Variants in SDK1 observed in about 807,000 individuals in gnomAD.
SDK1 encodes the protein sidekick cell adhesion molecule 1, also known as protein sidekick-1.
SDK1 carries 157 observed loss-of-function variants against 245.5 expected under a neutral mutation model. The observed-to-expected ratio is 0.64, with a 90% CI of 0.56 to 0.73. The LOEUF (loss-of-function observed/expected upper bound fraction) is 0.73. Ranked by LOEUF, SDK1 falls within the 30% of genes least tolerant of loss-of-function variation. The pLI, the probability that SDK1 is intolerant of heterozygous loss-of-function variation, is 0.00. For missense variants in SDK1, 3,583 were observed against 3,002.3 expected (o/e 1.19, Z -4.52); for synonymous variants, 1,647 against 1,278.5 (o/e 1.29, Z -6.15).
intron 4 of SDK1, among the ~76,000 whole-genome samples, chr7:3,794,554 T>A (rs1778916042): frequency 6.6e-6 from 1 of 151,962 alleles, no homozygotes; most frequent in Admixed American, 6.6e-5. Context: ...ATCATGGGAG[T>A]GAGACCAATG....
At chr7:3,719,948 G>T (rs1023529103) in intron 4 of SDK1, among the ~76,000 whole-genome samples, 21 of 150,928 alleles carry the variant, frequency 1.4e-4, no homozygotes, top group Admixed American at 5.3e-4. Context: ...CTGCACCCCA[G>T]TCTGGTGACA....
chr7:3,818,285 G>A (rs1288732544), intron 4 of SDK1, among the ~76,000 whole-genome samples: 1 of 152,198 alleles, frequency 6.6e-6, no homozygotes, highest in African/African-American at 2.4e-5. Flanking sequence ...TTTTAAATGT[G>A]TCATCTGGAG....
chr7:3,461,377 G>A (rs1432535337), intron 1 of SDK1, among the ~76,000 whole-genome samples: 1 of 152,138 alleles, frequency 6.6e-6, no homozygotes, highest in Non-Finnish European at 1.5e-5. Context: ...ACTCTGAGTG[G>A]TATAACAAAG....
At chr7:4,203,556 G>A (rs926321101) in intron 35 of SDK1, among the ~76,000 whole-genome samples, 16 of 151,546 alleles carry the variant, frequency 1.1e-4, no homozygotes, top group African/African-American at 3.9e-4. Context: ...CTTCCAAGCT[G>A]GTATGTATGT....
At chr7:3,565,320 G>T (rs1025158216) in intron 1 of SDK1, among the ~76,000 whole-genome samples, 1 of 152,090 alleles carries the variant, frequency 6.6e-6, no homozygotes, top group African/African-American at 2.4e-5. Context: ...GTTGTTATCT[G>T]TCAGACCTAT....
intron 1 of SDK1, among the ~76,000 whole-genome samples, chr7:3,335,686 G>A (rs1254782846): frequency 6.6e-6 from 1 of 152,136 alleles, no homozygotes; most frequent in Non-Finnish European, 1.5e-5. Flanking sequence ...AGGAAAGTAA[G>A]CACTAGAACT....
At chr7:3,502,529 G>C (rs115486038) in intron 1 of SDK1, among the ~76,000 whole-genome samples, 2 of 152,112 alleles carry the variant, frequency 1.3e-5, no homozygotes, top group Non-Finnish European at 2.9e-5. Context: ...GATTACAGGC[G>C]TGAACCGCCA....
At chr7:3,979,934 C>A (rs1783265869) in intron 13 of SDK1, among the ~76,000 whole-genome samples, 1 of 152,158 alleles carries the variant, frequency 6.6e-6, no homozygotes. Context: ...ACAGAGAAAA[C>A]CCAATTTACA....
chr7:4,268,396 C>T lies in SDK1; in HGVS notation c.*3012C>T. The T allele has an allele frequency of 9.1e-7, 1 of 1,096,688 alleles. No individual in the cohort carries two copies. Among genetic ancestry groups the T allele is most frequent in the South Asian group, 2.2e-5 (1 of 44,724 alleles). The allele number at this position is 1,096,688 out of a possible 1,614,324, so 67.9% of individuals were successfully genotyped here. A position where few individuals can be genotyped will look rare whatever the true frequency, so the allele number is the denominator to read the frequency against. On this transcript the variant is annotated 3_prime_UTR_variant, in exon 45 of 45. Coordinates refer to ENST00000404826, the MANE Select transcript of SDK1 (RefSeq NM_152744.4). ...ACGGCCACCTTCTGGGTGAATCGGT[C>T]CAGCCCAAGCCCCTCTCCCCAGCCT...
chr7:4,223,068 G>A (rs1785230741), intron 40 of SDK1, among the ~76,000 whole-genome samples: 1 of 150,202 alleles, frequency 6.7e-6, no homozygotes, highest in Non-Finnish European at 1.5e-5. Context: ...GGGTGACAGA[G>A]CAAGGCTCCG....
intron 1 of SDK1, among the ~76,000 whole-genome samples, chr7:3,320,940 C>A (rs554413877): frequency 6.6e-6 from 1 of 152,104 alleles, no homozygotes; most frequent in South Asian, 2.1e-4. Flanking sequence ...TAATTTAAAC[C>A]TTGTGCTTGA....
chr7:3,403,157 C>A (rs1231459439), intron 1 of SDK1, among the ~76,000 whole-genome samples: 1 of 152,060 alleles, frequency 6.6e-6, no homozygotes, highest in Non-Finnish European at 1.5e-5. Flanking sequence ...TGGTCTTGAA[C>A]TCCTGACCTC....
chr7:3,935,801 A>G (rs2128119166), intron 5 of SDK1, among the ~76,000 whole-genome samples: 1 of 152,364 alleles, frequency 6.6e-6, no homozygotes, highest in South Asian at 2.1e-4. Context: ...GGAGAAATGT[A>G]TGACGAAGTA....
intron 14 of SDK1, among the ~76,000 whole-genome samples, chr7:3,996,578 G>A (rs368293927): frequency 3.4e-4 from 51 of 152,204 alleles, no homozygotes; most frequent in African/African-American, 1.1e-3. Context: ...TTTTGTCAAG[G>A]TTGTCCTGAG....
chr7:3,900,087 A>C (rs769366262), intron 5 of SDK1, among the ~76,000 whole-genome samples: 1 of 152,212 alleles, frequency 6.6e-6, no homozygotes, highest in Non-Finnish European at 1.5e-5. Context: ...GCAGTTTTAC[A>C]AAAAAACCTA....
intron 5 of SDK1, among the ~76,000 whole-genome samples, chr7:3,921,534 A>T (rs1562538534): frequency 1.3e-5 from 2 of 152,208 alleles, no homozygotes; most frequent in African/African-American, 2.4e-5. Flanking sequence ...AGCTATAAGA[A>T]CTAGACCTCT....
intron 40 of SDK1, among the ~76,000 whole-genome samples, chr7:4,226,204 A>G (rs1208863840): frequency 1.3e-5 from 2 of 152,152 alleles, no homozygotes; most frequent in African/African-American, 4.8e-5. Context: ...TCCAGGTGCA[A>G]TGAATGGGCC....
rs755552907 is a variant in SDK1 at position 3,974,563 on chromosome 7, T to C, written c.1994+18T>C. The C allele has an allele frequency of 2.0e-5, 32 of 1,612,528 alleles. No homozygotes were observed. The highest frequency in any genetic ancestry group is 2.5e-5 in the Non-Finnish European group (30 of 1,178,692). The stretch of plus-strand genomic sequence containing the variant: ...GAAGTGATGTGAGTACTGAGACGTT[T>C]GGTGTTAGCCAGTCCGCGGTTTTCT... On this transcript the variant is annotated intron_variant, in intron 13 of 44. Transcript: ENST00000404826.
chr7:3,946,818 T>G (rs1780595732), intron 5 of SDK1, among the ~76,000 whole-genome samples: 3 of 152,124 alleles, frequency 2.0e-5, no homozygotes, highest in Admixed American at 2.0e-4. Flanking sequence ...AATGTCTCTG[T>G]GTTTAAAGGG....
Sources: gnomAD v4.1 joint callset for allele counts (sites outside exome capture counted in the v4.1 genomes callset) on GRCh38, gnomAD v4.1.1 for gene constraint, MANE v1.5 for transcripts, NCBI Gene and HGNC (gene_info 2026-07-23, HGNC 2026-07-21) for gene names.